SEL1L3: variants seen among roughly 807,000 people sequenced by gnomAD.
SEL1L3 encodes the protein protein sel-1 homolog 3.
In SEL1L3, 76 loss-of-function variants were observed where a neutral mutation model predicts 142.8. That is an observed-to-expected ratio of 0.53 (90% CI 0.44 to 0.64). The LOEUF is 0.64. Ranked by LOEUF, SEL1L3 falls within the 30% of genes least tolerant of loss-of-function variation. The probability of loss-of-function intolerance (pLI) is 0.00; values close to 1 mark genes in which losing one functional copy is unlikely to be tolerated. For synonymous variants in SEL1L3, 504 were observed against 519.6 expected (o/e 0.97, Z 0.41); for missense variants, 1,262 against 1,381.7 (o/e 0.91, Z 1.37).
At chr4:25,780,456 T>TATCTCCCACCCTCTCC (rs1428774545) in intron 15 of SEL1L3, among the ~76,000 whole-genome samples, 2 of 152,034 alleles carry the variant, frequency 1.3e-5, no homozygotes, top group Non-Finnish European at 2.9e-5. Context: ...TCCCTGGTCC[T>TATCTCCCACCCTCTCC]ATCTCCCACC....
intron 12 of SEL1L3, 73 bp downstream of exon 12, chr4:25,790,382 T>A (rs1407443124): frequency 4.2e-6 from 6 of 1,426,552 alleles, no homozygotes; most frequent in Non-Finnish European, 5.9e-6. Flanking sequence ...CAGTTTGAGA[T>A]GTTTCATTAC....
rs757110090 is a variant in SEL1L3, at chr4:25,830,194, C to A, written c.1099-38G>T. On this transcript the variant is annotated intron_variant, in intron 5 of 23. Coordinates refer to ENST00000399878, the MANE Select transcript of SEL1L3 (RefSeq NM_015187.5). ...GGATACACAAGAATCAGTTATGCCT[C>A]ATCACCCTACATTACCTATGCAGTC... The A allele has an allele frequency of 6.3e-6, 8 of 1,260,730 alleles. No individual in the cohort carries two copies. In the Admixed American group the frequency reaches 8.5e-5, roughly 13 times the overall value. 78.1% of individuals were successfully genotyped at this position (1,260,730 alleles called of 1,614,324 possible). A position where few individuals can be genotyped will look rare whatever the true frequency, so the allele number is the denominator to read the frequency against.
intron 17 of SEL1L3, among the ~76,000 whole-genome samples, chr4:25,772,776 A>T (rs1719318944): frequency 6.6e-6 from 1 of 151,950 alleles, no homozygotes; most frequent in Non-Finnish European, 1.5e-5. Context: ...ATGCATCAAA[A>T]TGTGTGAATC....
intron 23 of SEL1L3, 100 bp downstream of exon 23, chr4:25,757,434 A>T: frequency 1.1e-6 from 1 of 939,282 alleles, no homozygotes; most frequent in Non-Finnish European, 1.5e-6. Context: ...ACCAGGAGGG[A>T]AAACACAATT....
Position 25,862,697 on chromosome 4 carries a change from G to A in SEL1L3, c.140C>T (p.Ala47Val). ...CACCAGGTAGCAGAGCAGGAGCAGCGCGCAGGCAGAGCGGCCGCCGAGGCC... is the reference window on the plus strand; with the variant it reads ...CACCAGGTAGCAGAGCAGGAGCAGCACGCAGGCAGAGCGGCCGCCGAGGCC... ...PQGLGGRSAC[A>V]LLLLCYLNVV... Residue 47 changes from alanine to valine, a missense_variant, in exon 1 of 24, where the codon GCG (alanine) becomes GTG (valine). By Grantham distance (64) the Ala-to-Val change is moderately conservative (BLOSUM62 0). Transcript: ENST00000399878. 15 of 1,303,756 alleles carry A rather than the reference G, an allele frequency of 1.2e-5. No individual in the cohort carries two copies. Among genetic ancestry groups the A allele is most frequent in the Non-Finnish European group, 1.5e-5 (15 of 1,023,410 alleles). The allele number at this position is 1,303,756 out of a possible 1,614,324, so 80.8% of individuals were successfully genotyped here. A position where few individuals can be genotyped will look rare whatever the true frequency, so the allele number is the denominator to read the frequency against.
At chr4:25,773,074 G>A (rs982268277) in intron 17 of SEL1L3, among the ~76,000 whole-genome samples, 5 of 152,184 alleles carry the variant, frequency 3.3e-5, no homozygotes, top group African/African-American at 7.2e-5. Flanking sequence ...TGGGATTACA[G>A]GCGTGCACCA....
At chr4:25,733,590 G>T in the SEL1L3 span, among the ~76,000 whole-genome samples, 5 of 142,880 alleles carry the variant, frequency 3.5e-5, no homozygotes, top group Non-Finnish European at 7.5e-5. Context: ...GCGCAATCTC[G>T]GCTCACTGCA....
intron 9 of SEL1L3, among the ~76,000 whole-genome samples, chr4:25,810,066 G>A (rs762849607): frequency 3.5e-4 from 54 of 152,336 alleles, no homozygotes; most frequent in Non-Finnish European, 8.8e-5. Context: ...TGAAAGGGGC[G>A]CAGATGGTGT....
chr4:25,778,925 G>T (rs13121401), intron 16 of SEL1L3, 151 bp downstream of exon 16: 213,236 of 602,190 alleles, frequency 0.35, 39,808 homozygotes, highest in African/African-American at 0.54. Flanking sequence ...TTAATTAAAA[G>T]TTTTAATTTT....
At chr4:25,860,886 T>C (rs1453073929) in intron 1 of SEL1L3, among the ~76,000 whole-genome samples, 2 of 152,218 alleles carry the variant, frequency 1.3e-5, no homozygotes, top group Non-Finnish European at 2.9e-5. Flanking sequence ...CATGGCATCA[T>C]TTTTCCCTCT....
chr4:25,747,089 G>A (rs1279417390), downstream of SEL1L3, among the ~76,000 whole-genome samples: 1 of 152,040 alleles, frequency 6.6e-6, no homozygotes, highest in Non-Finnish European at 1.5e-5. Context: ...CAAATAGGAG[G>A]GACAACATTT....
chr4:25,744,898 C>A (rs992878975), downstream of SEL1L3, among the ~76,000 whole-genome samples: 1 of 152,212 alleles, frequency 6.6e-6, no homozygotes, highest in Non-Finnish European at 1.5e-5. Flanking sequence ...CCTGCTGACG[C>A]CTTGATCTTG....
At chr4:25,754,856 T>C (rs764405838) in intron 23 of SEL1L3, among the ~76,000 whole-genome samples, 1 of 152,210 alleles carries the variant, frequency 6.6e-6, no homozygotes, top group African/African-American at 2.4e-5. Context: ...TTTCTTTTTA[T>C]TTCCCCTTTA....
At chr4:25,754,087 G>A (rs999182967) in intron 23 of SEL1L3, among the ~76,000 whole-genome samples, 1 of 151,822 alleles carries the variant, frequency 6.6e-6, no homozygotes, top group African/African-American at 2.4e-5. Context: ...TGGATCACCT[G>A]AGGTCAGGAG....
intron 2 of SEL1L3, among the ~76,000 whole-genome samples, chr4:25,844,811 C>T (rs1716403403): frequency 1.3e-5 from 2 of 152,176 alleles, no homozygotes; most frequent in Admixed American, 1.3e-4. Flanking sequence ...CAGATGCCTG[C>T]ATGGGGCTCT....
chr4:25,798,834 A>C (rs954752129), intron 11 of SEL1L3, among the ~76,000 whole-genome samples: 3 of 152,158 alleles, frequency 2.0e-5, no homozygotes, highest in Non-Finnish European at 2.9e-5. Context: ...GTTTCAAAAA[A>C]AGAAAAAAGA....
chr4:25,826,642 G>T (rs565817208), intron 6 of SEL1L3, among the ~76,000 whole-genome samples: 2 of 152,106 alleles, frequency 1.3e-5, no homozygotes, highest in African/African-American at 4.8e-5. Flanking sequence ...GCACTCCTGC[G>T]TCTGAGTACG....
intron 1 of SEL1L3, among the ~76,000 whole-genome samples, chr4:25,853,518 T>C (rs761156545): frequency 6.6e-6 from 1 of 152,140 alleles, no homozygotes; most frequent in Non-Finnish European, 1.5e-5. Flanking sequence ...AAAATATTCA[T>C]TGAATTTCAA....
intron 20 of SEL1L3, among the ~76,000 whole-genome samples, chr4:25,764,489 A>C (rs1049010562): frequency 6.6e-6 from 1 of 152,202 alleles, no homozygotes; most frequent in African/African-American, 2.4e-5. Flanking sequence ...TCTTTTTGCA[A>C]CTTTTCTACA....
Sources: allele counts gnomAD v4.1 joint callset (sites outside exome capture counted in the v4.1 genomes callset), GRCh38; gene constraint gnomAD v4.1.1; transcripts MANE v1.5; gene names NCBI Gene and HGNC (gene_info 2026-07-23, HGNC 2026-07-21).